MYO3B: variants seen among roughly 807,000 people sequenced by gnomAD.
MYO3B encodes the protein myosin-IIIb.
MYO3B carries 156 observed loss-of-function variants against 174.6 expected under a neutral mutation model. The observed-to-expected ratio is 0.89, with a 90% CI of 0.78 to 1.02. MYO3B has a LOEUF of 1.02. Among genes scored for constraint, MYO3B ranks in the 50% least tolerant of loss-of-function variants. The pLI is 0.00. For synonymous variants in MYO3B, 563 were observed against 569.1 expected (o/e 0.99, Z 0.15); for missense variants, 1,632 against 1,639.4 (o/e 1.00, Z 0.08).
intron 22 of MYO3B, among the ~76,000 whole-genome samples, chr2:170,413,592 C>T (rs1424134337): frequency 1.3e-5 from 2 of 152,250 alleles, no homozygotes; most frequent in African/African-American, 4.8e-5. Flanking sequence ...GTGTGTATAT[C>T]TGTGTATGAA....
At chr2:170,286,575 A>G (rs2105406409) in intron 7 of MYO3B, among the ~76,000 whole-genome samples, 2 of 152,122 alleles carry the variant, frequency 1.3e-5, no homozygotes, top group Middle Eastern at 6.8e-3. Context: ...TTTTTATATA[A>G]AATTTAGGAA....
intron 25 of MYO3B, among the ~76,000 whole-genome samples, chr2:170,491,879 C>T (rs1027880154): frequency 6.6e-6 from 1 of 152,114 alleles, no homozygotes; most frequent in Non-Finnish European, 1.5e-5. Context: ...TGTGGCAAAA[C>T]CCTGTCTCTA....
At chr2:170,483,984 A>G (rs1685866586) in intron 25 of MYO3B, among the ~76,000 whole-genome samples, 1 of 152,200 alleles carries the variant, frequency 6.6e-6, no homozygotes. Flanking sequence ...AGCATGCTCT[A>G]GTTACTTACA....
intron 32 of MYO3B, among the ~76,000 whole-genome samples, chr2:170,594,827 G>GCACACA (rs3047151): frequency 4.3e-4 from 58 of 135,186 alleles, no homozygotes; most frequent in African/African-American, 1.1e-3. Flanking sequence ...CCCAGCGCGC[G>GCACACA]CACACACACA....
At chr2:170,604,938 ACACT>A (rs1694723336) in intron 32 of MYO3B, among the ~76,000 whole-genome samples, 1 of 152,160 alleles carries the variant, frequency 6.6e-6, no homozygotes, top group Non-Finnish European at 1.5e-5. Context: ...TTTAACATAA[ACACT>A]CAGTTAATTT....
intron 1 of MYO3B, among the ~76,000 whole-genome samples, chr2:170,191,511 T>A (rs181192710): frequency 6.6e-6 from 1 of 152,148 alleles, no homozygotes; most frequent in Non-Finnish European, 1.5e-5. Flanking sequence ...TTCCTATCAC[T>A]GGGAGGTGCA....
intron 8 of MYO3B, among the ~76,000 whole-genome samples, chr2:170,352,144 G>A (rs1408229450): frequency 6.6e-6 from 1 of 152,066 alleles, no homozygotes; most frequent in Non-Finnish European, 1.5e-5. Context: ...GTAGAGACGG[G>A]GTTTCACCGT....
chr2:170,492,169 A>T (rs1013052685), intron 25 of MYO3B, among the ~76,000 whole-genome samples: 2 of 152,174 alleles, frequency 1.3e-5, no homozygotes, highest in Admixed American at 6.5e-5. Context: ...CCTATGAATT[A>T]TGAAGTCAAC....
At position 170,430,092 on chromosome 2, in the gene MYO3B, T is replaced by A. The variant is rs954945081; in HGVS notation, c.2651-13875T>A. Among the ~76,000 whole-genome samples the A allele has an allele frequency of 2.0e-5, 3 of 151,870 alleles. No individual in the cohort carries two copies. In the South Asian group the frequency reaches 6.2e-4, roughly 32 times the overall value. On this transcript the variant is annotated intron_variant, in intron 22 of 34. Transcript: ENST00000408978. Reference sequence around the variant, plus strand: ...AAAACTGCATATATGGAGGGCCAACTTTTCATATATGTGGGTTCTTCAGGG... The same window carrying A: ...AAAACTGCATATATGGAGGGCCAACATTTCATATATGTGGGTTCTTCAGGG...
At chr2:170,568,711 C>T (rs566684157) in intron 32 of MYO3B, among the ~76,000 whole-genome samples, 2 of 152,172 alleles carry the variant, frequency 1.3e-5, no homozygotes, top group Non-Finnish European at 2.9e-5. Context: ...TCAATTGGCT[C>T]TTGAAATATA....
At chr2:170,635,735 A>G (rs1697409257) in intron 32 of MYO3B, among the ~76,000 whole-genome samples, 2 of 152,198 alleles carry the variant, frequency 1.3e-5, no homozygotes, top group Non-Finnish European at 2.9e-5. Flanking sequence ...AAGAAATAAA[A>G]TATTGTATTT....
chr2:170,611,040 G>T (rs139201966), intron 32 of MYO3B, among the ~76,000 whole-genome samples: 336 of 152,306 alleles, frequency 2.2e-3, no homozygotes, highest in Non-Finnish European at 3.9e-3. Flanking sequence ...CGGGAAGCAA[G>T]ATAAGCATGG....
intron 32 of MYO3B, among the ~76,000 whole-genome samples, chr2:170,628,389 G>C (rs529384574): frequency 2.6e-5 from 4 of 152,188 alleles, no homozygotes; most frequent in Non-Finnish European, 5.9e-5. Context: ...TGCTAAGACC[G>C]TTGGAAAAGC....
intron 8 of MYO3B, chr2:170,350,815 A>G (rs1279518185): frequency 6.6e-6 from 1 of 152,234 alleles, no homozygotes; most frequent in East Asian, 1.9e-4. Flanking sequence ...CTAAAGAAAA[A>G]TGATTTAGGA....
chr2:170,279,454 T>G (rs2093489533), intron 7 of MYO3B, among the ~76,000 whole-genome samples: 1 of 140,750 alleles, frequency 7.1e-6, no homozygotes, highest in Admixed American at 7.0e-5. Context: ...TCTTTATCCT[T>G]TGTCCACTTA....
At chr2:170,498,744 C>A (rs771529270) in intron 26 of MYO3B, 41 bp downstream of exon 26, 1 of 1,333,984 alleles carries the variant, frequency 7.5e-7, no homozygotes, top group Admixed American at 1.7e-5. Context: ...CGTATGATTT[C>A]TTTGTCTCTT....
chr2:170,516,171 A>G (rs903497133), intron 29 of MYO3B, among the ~76,000 whole-genome samples: 2 of 152,234 alleles, frequency 1.3e-5, no homozygotes, highest in Non-Finnish European at 2.9e-5. Flanking sequence ...TGGGGTGTGA[A>G]TTCTCTGGTT....
At chr2:170,448,263 G>A (rs1683371267) in intron 23 of MYO3B, among the ~76,000 whole-genome samples, 1 of 152,194 alleles carries the variant, frequency 6.6e-6, no homozygotes, top group African/African-American at 2.4e-5. Context: ...GAATGAACAA[G>A]GACAGCTTGG....
intron 7 of MYO3B, among the ~76,000 whole-genome samples, chr2:170,259,417 A>G (rs2093328705): frequency 6.6e-6 from 1 of 152,066 alleles, no homozygotes; most frequent in Non-Finnish European, 1.5e-5. Context: ...CACTATAACC[A>G]TCTAATCTTC....
Sources: allele counts gnomAD v4.1 joint callset (sites outside exome capture counted in the v4.1 genomes callset), GRCh38; gene constraint gnomAD v4.1.1; transcripts MANE v1.5; gene names NCBI Gene and HGNC (gene_info 2026-07-23, HGNC 2026-07-21).